Variants in ANKRD26 observed in about 807,000 individuals in gnomAD.
The protein encoded by ANKRD26 is ankyrin repeat domain-containing protein 26.
Under a neutral mutation model 208.7 loss-of-function variants are expected in ANKRD26, and 141 were observed. The observed-to-expected ratio is 0.68, with a 90% confidence interval of 0.59 to 0.78. The LOEUF (loss-of-function observed/expected upper bound fraction) is 0.78. Among genes scored for constraint, ANKRD26 ranks in the 30% least tolerant of loss-of-function variants. ANKRD26 has a pLI of 0.00. For missense variants in ANKRD26, 1,889 were observed against 1,938.7 expected, an observed-to-expected ratio of 0.97 and a Z score of 0.48; for synonymous variants, 636 against 660.4, an observed-to-expected ratio of 0.96 and a Z score of 0.57.
chr10:26,984,786 G>A (rs913552736), intron 3 of ANKRD26, among the ~76,000 whole-genome samples: 1 of 152,162 alleles, frequency 6.6e-6, no homozygotes, highest in Non-Finnish European at 1.5e-5. Context: ...CAGAGTGTAA[G>A]GAGTGCCAGG....
chr10:27,010,092 TTCTA>T (rs138002950), intron 32 of ANKRD26, among the ~76,000 whole-genome samples: 14,374 of 152,134 alleles, frequency 0.094, 2,176 homozygotes, highest in African/African-American at 0.32. Context: ...AGAGCTCTAC[TTCTA>T]TCTGTTTTAT....
At chr10:26,982,794 G>A (rs1200787705) in exon 4 of ANKRD26, among the ~76,000 whole-genome samples, 3 of 152,044 alleles carry the variant, frequency 2.0e-5, no homozygotes, top group Admixed American at 6.6e-5. Context: ...TTAGTTGCAA[G>A]CACATACCAT....
chr10:27,020,942 T>A (rs1589226398), intron 29 of ANKRD26, among the ~76,000 whole-genome samples: 1 of 152,170 alleles, frequency 6.6e-6, no homozygotes, highest in East Asian at 1.9e-4. Flanking sequence ...ATTACAGGCA[T>A]GAGCCACCGT....
chr10:27,038,595 G>A (rs2054120908), intron 21 of ANKRD26, among the ~76,000 whole-genome samples: 1 of 151,100 alleles, frequency 6.6e-6, no homozygotes, highest in Admixed American at 6.6e-5. Flanking sequence ...ATGTTGCAGT[G>A]AGCCGAGATT....
intron 9 of ANKRD26, 91 bp downstream of exon 9, chr10:27,077,247 A>T: frequency 8.8e-7 from 1 of 1,132,882 alleles, no homozygotes; most frequent in Non-Finnish European, 1.3e-6. Flanking sequence ...AGAAACAAAA[A>T]CTGTATGATC....
intron 32 of ANKRD26, among the ~76,000 whole-genome samples, chr10:27,011,923 T>G (rs538305499): frequency 1.3e-5 from 2 of 152,190 alleles, no homozygotes; most frequent in African/African-American, 4.8e-5. Flanking sequence ...CACTGTGCAA[T>G]TGCCCAGTAA....
intron 25 of ANKRD26, among the ~76,000 whole-genome samples, chr10:27,032,612 G>A (rs1430696943): frequency 6.6e-6 from 1 of 151,082 alleles, no homozygotes; most frequent in Non-Finnish European, 1.5e-5. Context: ...CGCCAGCCTG[G>A]GCTACAGAGC....
chr10:26,953,328 C>G, the ANKRD26 span, among the ~76,000 whole-genome samples: 1,244 of 152,262 alleles, frequency 8.2e-3, 20 homozygotes, highest in African/African-American at 0.025. Context: ...GAGGCTGAGG[C>G]AGGGATGTTT....
chr10:26,970,875 A>G (rs576281589), downstream of ANKRD26, among the ~76,000 whole-genome samples: 44 of 152,214 alleles, frequency 2.9e-4, no homozygotes, highest in Non-Finnish European at 4.6e-4. Flanking sequence ...CAGGTTGAGG[A>G]AAGAGGAAGT....
At chr10:27,071,123 A>C (rs1265907493) in intron 9 of ANKRD26, among the ~76,000 whole-genome samples, 4 of 151,490 alleles carry the variant, frequency 2.6e-5, no homozygotes, top group African/African-American at 9.7e-5. Context: ...CACAAGATAA[A>C]TCAGAATATT....
rs759642207 is a variant in ANKRD26 at position 27,092,475 on chromosome 10, T to A, written c.569A>T (p.Lys190Ile). The change falls in exon 4 of 34, where the codon AAA (lysine) becomes ATA (isoleucine). Residue 190 changes from lysine to isoleucine, a missense_variant. Lys to Ile is a moderately radical substitution (Grantham distance 102). This residue lies in a region of ANKRD26 where 1,272 missense variants were observed against 1,273.8 expected (regional missense o/e 1.00). Coordinates refer to ENST00000376087, the MANE Select transcript of ANKRD26 (RefSeq NM_014915.3). ...LTPLLLAVSG[K>I]KQQMVEFLIK... ...TAAAAATTCCACCATTTGCTGCTTT[T>A]TTCCACTTACTGCAAGTAAAAGTGG... The A allele has an allele frequency of 6.2e-7, 1 of 1,613,832 alleles. No homozygotes were observed. The highest frequency in any genetic ancestry group is 8.5e-7 in the Non-Finnish European group (1 of 1,179,954).
intron 32 of ANKRD26, among the ~76,000 whole-genome samples, chr10:27,011,520 T>G (rs527296113): frequency 6.6e-6 from 1 of 152,216 alleles, no homozygotes; most frequent in East Asian, 1.9e-4. Context: ...TTTTTTTCCC[T>G]ACCAAGTCTA....
chr10:26,955,909 A>G, the ANKRD26 span, among the ~76,000 whole-genome samples: 2 of 152,208 alleles, frequency 1.3e-5, no homozygotes, highest in African/African-American at 4.8e-5. Flanking sequence ...TACGTCTTGT[A>G]GCAGTTTCAA....
intron 16 of ANKRD26, among the ~76,000 whole-genome samples, chr10:27,050,011 A>T (rs1416948979): frequency 6.6e-6 from 1 of 151,990 alleles, no homozygotes; most frequent in Non-Finnish European, 1.5e-5. Context: ...TCATGAGGTC[A>T]GGAGTTTAAG....
rs1473838876 is a variant in ANKRD26, at chr10:27,100,206, G to A, written c.121C>T (p.His41Tyr). 6 of 1,613,654 alleles carry A rather than the reference G, an allele frequency of 3.7e-6. No individual in the cohort carries two copies. Among genetic ancestry groups the A allele is most frequent in the Middle Eastern group, 1.7e-4 (1 of 6,060 alleles). Residue 41 changes from histidine to tyrosine, a missense_variant, in exon 1 of 34, where the codon CAC becomes TAC. Coordinates refer to ENST00000376087, the MANE Select transcript of ANKRD26 (RefSeq NM_014915.3). ...TTGCCGAGATCTCGGTCTCGGACGT[G>A]GTAGCCGGGCTGCGAGTAGGCGCCC... The part of the protein sequence containing the change: ...GEGAYSQPGY[H>Y]VRDRDLGKIH...
intron 5 of ANKRD26, among the ~76,000 whole-genome samples, chr10:26,976,671 T>C (rs1326740116): frequency 3.3e-5 from 5 of 151,414 alleles, no homozygotes; most frequent in African/African-American, 1.2e-4. Flanking sequence ...GCACTTCAAT[T>C]TTTTTTTTAT....
At chr10:26,957,357 C>A in the ANKRD26 span, among the ~76,000 whole-genome samples, 62 of 152,268 alleles carry the variant, frequency 4.1e-4, no homozygotes, top group East Asian at 8.5e-3. Flanking sequence ...CACCACACTA[C>A]AGCCTGGGTG....
At chr10:27,049,513 C>A (rs985201821) in intron 16 of ANKRD26, among the ~76,000 whole-genome samples, 2 of 152,108 alleles carry the variant, frequency 1.3e-5, no homozygotes, top group African/African-American at 2.4e-5. Context: ...AAGGTGCTCA[C>A]TGAAATACAG....
chr10:27,057,705 A>AT (rs2054886847), intron 15 of ANKRD26, among the ~76,000 whole-genome samples: 1 of 152,184 alleles, frequency 6.6e-6, no homozygotes, highest in Non-Finnish European at 1.5e-5. Flanking sequence ...TTGGGAGGCC[A>AT]AGATGGGTGG....
Sources: gnomAD v4.1 joint callset for allele counts (sites outside exome capture counted in the v4.1 genomes callset) on GRCh38, gnomAD v4.1.1 for gene constraint, gnomAD v4.1.1 regional missense constraint, MANE v1.5 for transcripts, NCBI Gene and HGNC (gene_info 2026-07-23, HGNC 2026-07-21) for gene names.